Variants in DOCK1 observed in about 807,000 individuals in gnomAD.
DOCK1 encodes dedicator of cytokinesis protein 1.
DOCK1 carries 138 observed loss-of-function variants against 262.7 expected under a neutral mutation model. The ratio of observed to expected loss-of-function variants is 0.53; its 90% CI spans 0.46 to 0.61. The LOEUF (loss-of-function observed/expected upper bound fraction) is 0.61, where lower values mean the gene tolerates loss of function less well. Ranked by LOEUF, DOCK1 falls within the 20% of genes least tolerant of loss-of-function variation. The pLI, the probability that DOCK1 is intolerant of heterozygous loss-of-function variation, is 0.00. For synonymous variants in DOCK1, 866 were observed against 867.4 expected, an observed-to-expected ratio of 1.00 and a Z score of 0.03; for missense variants, 1,908 against 2,370.7, an observed-to-expected ratio of 0.80 and a Z score of 4.05.
At chr10:127,442,927 G>A (rs2070278042) in intron 49 of DOCK1, among the ~76,000 whole-genome samples, 1 of 152,262 alleles carries the variant, frequency 6.6e-6, no homozygotes, top group African/African-American at 2.4e-5. Flanking sequence ...CAGGCTGTGT[G>A]AGGACAGCAG....
chr10:127,431,194 TCA>T (rs1285623580), intron 47 of DOCK1, among the ~76,000 whole-genome samples: 2 of 152,180 alleles, frequency 1.3e-5, no homozygotes, highest in African/African-American at 2.4e-5. Flanking sequence ...CTACTTTCAG[TCA>T]CAGTGTCTGG....
chr10:126,969,631 T>A (rs1316132255), intron 1 of DOCK1, among the ~76,000 whole-genome samples: 2 of 152,178 alleles, frequency 1.3e-5, no homozygotes, highest in African/African-American at 4.8e-5. Flanking sequence ...GACTTGGGTC[T>A]GGCTTTCGTG....
At chr10:127,416,412 C>A (rs1306132314) in intron 44 of DOCK1, among the ~76,000 whole-genome samples, 1 of 152,210 alleles carries the variant, frequency 6.6e-6, no homozygotes, top group Non-Finnish European at 1.5e-5. Flanking sequence ...CTCTTAATCA[C>A]CCTCTGCCCA....
intron 27 of DOCK1, among the ~76,000 whole-genome samples, chr10:127,159,088 A>G (rs1174090974): frequency 2.0e-5 from 3 of 152,198 alleles, no homozygotes; most frequent in Non-Finnish European, 2.9e-5. Flanking sequence ...CTATAAGAAC[A>G]TAGACTCTGC....
chr10:127,105,513 T>C (rs2048480084), intron 23 of DOCK1, among the ~76,000 whole-genome samples: 1 of 152,180 alleles, frequency 6.6e-6, no homozygotes, highest in Non-Finnish European at 1.5e-5. Flanking sequence ...ACTTTAATCA[T>C]TGAATGTAGA....
chr10:127,404,208 TC>T, intron 39 of DOCK1, 116 bp from the exon 40 acceptor site: 1 of 694,972 alleles, frequency 1.4e-6, no homozygotes, highest in Non-Finnish European at 2.4e-6. Flanking sequence ...TCTCCCACCA[TC>T]TCCCCCTCCC....
chr10:127,331,534 G>T (rs562402354), intron 29 of DOCK1, among the ~76,000 whole-genome samples: 12 of 152,236 alleles, frequency 7.9e-5, no homozygotes, highest in African/African-American at 2.6e-4. Context: ...CACCCACCTT[G>T]GCCTCCCAAA....
intron 29 of DOCK1, among the ~76,000 whole-genome samples, chr10:127,261,650 TGTGCATGTGG>T (rs1477532240): frequency 8.5e-6 from 1 of 116,968 alleles, no homozygotes; most frequent in Non-Finnish European, 1.8e-5. Context: ...CCTGCATGTG[TGTGCATGTGG>T]GTGTGTGTGT....
rs34450374 is a variant in DOCK1, at chr10:127,206,136, C to CTTTTTTTT, written c.2848-41854_2848-41847dup. 1.6e-3 allele frequency among the ~76,000 whole-genome samples: 125 copies of CTTTTTTTT among 78,674 alleles called. 1 individual carries two copies. Among genetic ancestry groups the CTTTTTTTT allele is most frequent in the East Asian group, 2.2e-3 (5 of 2,238 alleles). The allele number at this position is 78,674 out of a possible 152,430, so 51.6% of individuals were successfully genotyped here. ...GTCATCTACCATATATTCTTCTTCT[C>CTTTTTTTT]TTTTTTTTTTTTTTTTTTTTTTTTT... On this transcript the variant is annotated intron_variant, in intron 27 of 51. Coordinates refer to ENST00000623213, the MANE Select transcript of DOCK1 (RefSeq NM_001290223.2).
At chr10:127,428,285 C>A (rs2134574794) in intron 47 of DOCK1, among the ~76,000 whole-genome samples, 1 of 152,342 alleles carries the variant, frequency 6.6e-6, no homozygotes, top group East Asian at 1.9e-4. Context: ...TCTGGCTCAC[C>A]AGACATCCTG....
intron 31 of DOCK1, among the ~76,000 whole-genome samples, chr10:127,346,421 C>G (rs1236606637): frequency 1.3e-5 from 2 of 152,120 alleles, no homozygotes; most frequent in African/African-American, 4.8e-5. Context: ...ACAACAACAC[C>G]CCTTTCTCCA....
intron 38 of DOCK1, among the ~76,000 whole-genome samples, chr10:127,385,826 C>T (rs993661187): frequency 1.3e-5 from 2 of 152,186 alleles, no homozygotes; most frequent in African/African-American, 4.8e-5. Flanking sequence ...GCCCTTCCTC[C>T]GTCATCACAG....
intron 23 of DOCK1, among the ~76,000 whole-genome samples, chr10:127,101,076 A>G (rs541793262): frequency 5.5e-4 from 83 of 152,030 alleles, no homozygotes; most frequent in African/African-American, 2.0e-3. Context: ...AAGAGGTTGG[A>G]GCCCCACAGG....
intron 32 of DOCK1, among the ~76,000 whole-genome samples, chr10:127,355,344 A>G (rs1416388679): frequency 6.6e-6 from 1 of 152,216 alleles, no homozygotes; most frequent in Non-Finnish European, 1.5e-5. Flanking sequence ...CCTTCAAGAA[A>G]TCAATGACTG....
At chr10:126,967,964 C>T (rs1357470680) in intron 1 of DOCK1, among the ~76,000 whole-genome samples, 1 of 152,088 alleles carries the variant, frequency 6.6e-6, no homozygotes, top group African/African-American at 2.4e-5. Flanking sequence ...CAGGTGCGCA[C>T]CACCACGCCC....
intron 1 of DOCK1, among the ~76,000 whole-genome samples, chr10:126,957,813 C>A (rs940172465): frequency 2.0e-5 from 3 of 152,122 alleles, no homozygotes; most frequent in African/African-American, 7.2e-5. Context: ...AACCTGGAAA[C>A]AAATAACTCA....
At chr10:127,114,593 G>A (rs942126558) in intron 25 of DOCK1, among the ~76,000 whole-genome samples, 1 of 151,748 alleles carries the variant, frequency 6.6e-6, no homozygotes, top group Admixed American at 6.6e-5. Context: ...ATAGGAGGGG[G>A]GTGCAGTTCA....
chr10:127,344,675 AC>A (rs1322553919), intron 31 of DOCK1: 2 of 152,186 alleles, frequency 1.3e-5, no homozygotes, highest in Non-Finnish European at 2.9e-5. Context: ...AATCCAAAGC[AC>A]ATCATCTCTG....
chr10:127,338,847 A>G (rs2063306188), intron 29 of DOCK1, among the ~76,000 whole-genome samples, 159 bp from the exon 30 acceptor site: 2 of 152,310 alleles, frequency 1.3e-5, no homozygotes, highest in South Asian at 4.1e-4. Flanking sequence ...TCTGCATATA[A>G]TTCCGTGATC....
Sources: allele counts gnomAD v4.1 joint callset (sites outside exome capture counted in the v4.1 genomes callset), GRCh38; gene constraint gnomAD v4.1.1; transcripts MANE v1.5; gene names NCBI Gene and HGNC (gene_info 2026-07-23, HGNC 2026-07-21).